The following FSTL5 variants were observed in gnomAD, a reference collection of about 807,000 sequenced individuals.
The protein encoded by FSTL5 is follistatin-related protein 5.
In FSTL5, 62 loss-of-function variants were observed where a neutral mutation model predicts 89.1. The observed-to-expected ratio is 0.70, with a 90% CI of 0.57 to 0.86. FSTL5 has a LOEUF of 0.86. Among genes scored for constraint, FSTL5 ranks in the 40% least tolerant of loss-of-function variants. The probability of loss-of-function intolerance (pLI) is 0.00; values close to 1 mark genes in which losing one functional copy is unlikely to be tolerated. For synonymous variants in FSTL5, 383 were observed against 346.2 expected, an observed-to-expected ratio of 1.11 and a Z score of -1.18; for missense variants, 1,057 against 1,001.6, an observed-to-expected ratio of 1.06 and a Z score of -0.75.
intron 4 of FSTL5, among the ~76,000 whole-genome samples, chr4:161,900,654 A>G (rs1434652711): frequency 7.0e-5 from 8 of 113,848 alleles, no homozygotes; most frequent in African/African-American, 2.5e-4. Flanking sequence ...AAAAAAAAAA[A>G]AAAAGAAAGA....
chr4:162,002,680 C>T (rs2111109592), intron 3 of FSTL5, among the ~76,000 whole-genome samples: 1 of 152,242 alleles, frequency 6.6e-6, no homozygotes, highest in Non-Finnish European at 1.5e-5. Context: ...ACTACATAGA[C>T]CCAAATATAT....
intron 4 of FSTL5, among the ~76,000 whole-genome samples, chr4:161,829,730 T>C (rs950065818): frequency 2.0e-5 from 3 of 152,100 alleles, no homozygotes; most frequent in East Asian, 1.9e-4. Context: ...GCTTTCTAAA[T>C]GGTAAAGTAA....
At chr4:161,914,788 A>G (rs1213303301) in intron 4 of FSTL5, among the ~76,000 whole-genome samples, 7 of 152,152 alleles carry the variant, frequency 4.6e-5, no homozygotes, top group Admixed American at 2.6e-4. Context: ...AAGTCTGAAA[A>G]TTTATTATAA....
At chr4:161,990,337 C>T (rs540475844) in intron 3 of FSTL5, among the ~76,000 whole-genome samples, 1 of 152,142 alleles carries the variant, frequency 6.6e-6, no homozygotes, top group East Asian at 1.9e-4. Flanking sequence ...AAAAGCTACT[C>T]AATTTTGATA....
intron 8 of FSTL5, among the ~76,000 whole-genome samples, chr4:161,565,742 GACACACAC>G (rs145835055): frequency 3.7e-4 from 50 of 133,664 alleles, no homozygotes; most frequent in East Asian, 2.8e-3. Flanking sequence ...TATAACTTGA[GACACACAC>G]ACACACACAC....
chr4:162,057,330 T>C (rs1578992756), intron 2 of FSTL5, among the ~76,000 whole-genome samples: 1 of 152,038 alleles, frequency 6.6e-6, no homozygotes, highest in Admixed American at 6.6e-5. Flanking sequence ...ACTCTCCGTC[T>C]CCCCTGCCAT....
intron 7 of FSTL5, among the ~76,000 whole-genome samples, chr4:161,652,950 T>C (rs765976289): frequency 3.3e-5 from 5 of 152,168 alleles, no homozygotes; most frequent in Non-Finnish European, 5.9e-5. Flanking sequence ...CTAGGGTATA[T>C]ACACTGACTC....
At chr4:161,827,526 G>A (rs1054739836) in intron 4 of FSTL5, among the ~76,000 whole-genome samples, 1 of 152,168 alleles carries the variant, frequency 6.6e-6, no homozygotes, top group Non-Finnish European at 1.5e-5. Flanking sequence ...AAGAGAACAC[G>A]CCCTTTGTCT....
intron 4 of FSTL5, among the ~76,000 whole-genome samples, chr4:161,867,501 A>T (rs1732130878): frequency 6.6e-6 from 1 of 151,928 alleles, no homozygotes; most frequent in African/African-American, 2.4e-5. Flanking sequence ...AATAAAATAC[A>T]TCAAAATTAT....
chr4:161,912,572 C>G (rs1222419810), intron 4 of FSTL5, among the ~76,000 whole-genome samples: 4 of 152,284 alleles, frequency 2.6e-5, no homozygotes, highest in African/African-American at 9.6e-5. Context: ...GCCTTCCCAT[C>G]CATGTGGAAC....
At chr4:161,549,046 T>C (rs147823220) in intron 8 of FSTL5, among the ~76,000 whole-genome samples, 4 of 151,890 alleles carry the variant, frequency 2.6e-5, no homozygotes, top group East Asian at 3.9e-4. Flanking sequence ...ATACTTAATA[T>C]TGAGAATAAT....
At chr4:161,573,686 T>C (rs1339291491) in intron 8 of FSTL5, among the ~76,000 whole-genome samples, 2 of 121,748 alleles carry the variant, frequency 1.6e-5, no homozygotes, top group African/African-American at 3.3e-5. Context: ...TGAGCCGAGA[T>C]TGCACCATTG....
At chr4:161,894,509 C>G (rs1170965472) in intron 4 of FSTL5, among the ~76,000 whole-genome samples, 7 of 151,912 alleles carry the variant, frequency 4.6e-5, no homozygotes, top group African/African-American at 1.7e-4. Flanking sequence ...GAGATAGAGT[C>G]TCACTCTTGT....
chr4:162,058,946 A>T (rs1738639501), intron 2 of FSTL5, among the ~76,000 whole-genome samples: 1 of 152,206 alleles, frequency 6.6e-6, no homozygotes, highest in Non-Finnish European at 1.5e-5. Context: ...TTGTATTGAA[A>T]ATGTGAATTC....
chr4:161,710,831 C>T (rs890360251), intron 6 of FSTL5, among the ~76,000 whole-genome samples: 4 of 152,112 alleles, frequency 2.6e-5, no homozygotes, highest in African/African-American at 4.8e-5. Context: ...CAATCAATAA[C>T]TATCAAAATA....
chr4:161,711,897 T>C (rs1738794271), intron 6 of FSTL5, among the ~76,000 whole-genome samples: 1 of 152,192 alleles, frequency 6.6e-6, no homozygotes, highest in Non-Finnish European at 1.5e-5. Context: ...TCTCCGTAGA[T>C]GCCAAATAAG....
intron 7 of FSTL5, among the ~76,000 whole-genome samples, chr4:161,641,728 T>G (rs373430344): frequency 2.0e-5 from 3 of 151,886 alleles, no homozygotes; most frequent in Admixed American, 6.6e-5. Flanking sequence ...CTGACCTCGT[T>G]ATCTGCCCGC....
chr4:161,756,237 T>C (rs1740564518), intron 6 of FSTL5, among the ~76,000 whole-genome samples: 2 of 152,076 alleles, frequency 1.3e-5, no homozygotes, highest in Admixed American at 1.3e-4. Flanking sequence ...TGTTATAGGA[T>C]AGTTTTGATT....
At chr4:161,600,044 CA>C (rs1406560483) in intron 7 of FSTL5, among the ~76,000 whole-genome samples, 2 of 151,920 alleles carry the variant, frequency 1.3e-5, no homozygotes, top group African/African-American at 2.4e-5. Flanking sequence ...TTACTAATTT[CA>C]CAGTACAAAA....
Sources: allele counts gnomAD v4.1 joint callset (sites outside exome capture counted in the v4.1 genomes callset), GRCh38; gene constraint gnomAD v4.1.1; transcripts MANE v1.5; gene names NCBI Gene and HGNC (gene_info 2026-07-23, HGNC 2026-07-21).